DNAH14: variants seen among roughly 807,000 people sequenced by gnomAD.
DNAH14 encodes the protein dynein axonemal heavy chain 14, also known as axonemal beta dynein heavy chain 14.
DNAH14 carries 478 observed loss-of-function variants against 520.9 expected under a neutral mutation model. That is an observed-to-expected ratio of 0.92 (90% CI 0.85 to 0.99). The LOEUF (loss-of-function observed/expected upper bound fraction) is 0.99, where lower values mean the gene tolerates loss of function less well. Among genes scored for constraint, DNAH14 ranks in the 50% least tolerant of loss-of-function variants. The probability of loss-of-function intolerance (pLI) is 0.00; values close to 1 mark genes in which losing one functional copy is unlikely to be tolerated. For synonymous variants in DNAH14, 1,581 were observed against 1,757.2 expected (o/e 0.90, Z 2.51); for missense variants, 4,831 against 5,234.5 (o/e 0.92, Z 2.38).
chr1:225,374,574 T>C lies in DNAH14; in HGVS notation c.12319-114T>C. On this transcript the variant is annotated intron_variant, in intron 77 of 85. Coordinates refer to ENST00000682510, the MANE Select transcript of DNAH14 (RefSeq NM_001367479.1). ...CTGCACCTGGCCTATTTCTATATAT[T>C]TTTTAAAGAGAAAATATATGTAGCT... The C allele has an allele frequency of 4.8e-6, 5 of 1,038,036 alleles. No homozygotes were observed. The South Asian group carries it at 8.9e-5, about 19-fold the overall frequency. 64.3% of individuals were successfully genotyped at this position (1,038,036 alleles called of 1,614,324 possible). A position where few individuals can be genotyped will look rare whatever the true frequency, so the allele number is the denominator to read the frequency against.
At chr1:225,322,904 C>A in intron 62 of DNAH14, 81 bp downstream of exon 62, 5 of 1,318,940 alleles carry the variant, frequency 3.8e-6, no homozygotes, top group Non-Finnish European at 5.1e-6. Context: ...CTAAATTGTT[C>A]TATTCTTAGA....
Position 225,105,857 on chromosome 1 carries a change from CT to C in DNAH14, c.3867+4977del, listed in dbSNP as rs1275036585. Among the ~76,000 whole-genome samples, 16 of 152,064 alleles carry C rather than the reference CT, an allele frequency of 1.1e-4. No individual in the cohort carries two copies. The East Asian group carries it at 3.1e-3, about 29-fold the overall frequency. On this transcript the variant is annotated intron_variant, in intron 23 of 85. Coordinates refer to ENST00000682510, the MANE Select transcript of DNAH14 (RefSeq NM_001367479.1). ...CTTTATCCAATTTGCCAGTCTGTGT[CT>C]TTTAATTGGAGCATTTAGCCCATTT...
At chr1:225,186,791 C>T (rs965969932) in intron 37 of DNAH14, among the ~76,000 whole-genome samples, 45 of 151,874 alleles carry the variant, frequency 3.0e-4, no homozygotes, top group African/African-American at 1.0e-3. Context: ...TTACTGTATT[C>T]TGTATATATG....
In DNAH14 at chr1:225,381,434, T is replaced by C. The variant is rs1193995704; in HGVS notation, c.12932T>C (p.Ile4311Thr). The C allele has an allele frequency of 1.9e-6, 3 of 1,550,426 alleles. No homozygotes were observed. Among genetic ancestry groups the C allele is most frequent in the Non-Finnish European group, 2.6e-6 (3 of 1,146,820 alleles). Residue 4311 changes from isoleucine to threonine, a missense_variant, in exon 81 of 86, where the codon ATT becomes ACT. Physicochemically the swap from Ile to Thr is moderately conservative, Grantham distance 89 (BLOSUM62 -1). Coordinates refer to ENST00000682510, the MANE Select transcript of DNAH14 (RefSeq NM_001367479.1). ...TTGCTAACCTTTTTGAAGCAAGAAA[T>C]TAAACGATTTGATAAGTTATTATTT... ...CVLLTFLKQE[I>T]KRFDKLLFVI...
At chr1:224,992,586 A>G (rs1310386804) in intron 8 of DNAH14, among the ~76,000 whole-genome samples, 2 of 152,126 alleles carry the variant, frequency 1.3e-5, no homozygotes, top group African/African-American at 4.8e-5. Context: ...ACTTTACCAT[A>G]TTTGTTTATT....
chr1:225,340,346 C>T (rs2095153048), intron 68 of DNAH14, 111 bp from the exon 69 acceptor site: 1 of 1,172,324 alleles, frequency 8.5e-7, no homozygotes, highest in Admixed American at 2.9e-5. Context: ...CTGAAAAACA[C>T]TAAAAATCTT....
At chr1:225,152,595 C>T (rs1053728440) in intron 32 of DNAH14, 102 bp from the exon 33 acceptor site, 1 of 1,084,892 alleles carries the variant, frequency 9.2e-7, no homozygotes, top group African/African-American at 1.6e-5. Context: ...ATAAAGGTCA[C>T]ACAGAACACC....
chr1:225,270,215 C>T (rs1006069044), intron 49 of DNAH14, among the ~76,000 whole-genome samples: 14 of 150,908 alleles, frequency 9.3e-5, no homozygotes, highest in Admixed American at 4.0e-4. Flanking sequence ...AGCAAACTAT[C>T]GCAAGGACAG....
chr1:225,085,957 A>G (rs1020912677), intron 21 of DNAH14, among the ~76,000 whole-genome samples, 168 bp downstream of exon 21: 1 of 152,084 alleles, frequency 6.6e-6, no homozygotes, highest in Non-Finnish European at 1.5e-5. Context: ...AACTTTTTGT[A>G]GAAGCCTTAA....
Position 225,240,827 on chromosome 1 carries a change from GT to G in DNAH14, c.6748+7del. ...TTGGAAACAGTTCACAAGTAGGTAA[GT>G]TCTGTGGGAAAAATCATAACTATAC... On this transcript the variant is annotated splice_donor_region_variant and intron_variant, in intron 43 of 85. Transcript: ENST00000682510. The G allele has an allele frequency of 6.5e-7, 1 of 1,527,258 alleles. No individual in the cohort carries two copies. Among genetic ancestry groups the G allele is most frequent in the Non-Finnish European group, 8.9e-7 (1 of 1,127,692 alleles). 94.6% of individuals were successfully genotyped at this position (1,527,258 alleles called of 1,614,324 possible). A position where few individuals can be genotyped will look rare whatever the true frequency, so the allele number is the denominator to read the frequency against.
chr1:225,218,915 C>A (rs2089738540), intron 41 of DNAH14, among the ~76,000 whole-genome samples: 1 of 152,156 alleles, frequency 6.6e-6, no homozygotes, highest in African/African-American at 2.4e-5. Context: ...TGAAGTAATG[C>A]ACTCCTCAGC....
chr1:225,151,879 CCAGTGTGCTCTGTTTG>C, intron 31 of DNAH14, 110 bp from the exon 32 acceptor site: 1 of 833,490 alleles, frequency 1.2e-6, no homozygotes, highest in Non-Finnish European at 2.0e-6. Flanking sequence ...ATTGTTTTTT[CCAGTGTGCTCTGTTTG>C]CATTTAAATG....
At chr1:225,228,141 C>T (rs1361285313) in intron 41 of DNAH14, among the ~76,000 whole-genome samples, 1 of 152,180 alleles carries the variant, frequency 6.6e-6, no homozygotes, top group Admixed American at 6.5e-5. Context: ...CACTTATAGC[C>T]TTTAAAATCT....
chr1:225,328,347 A>G (rs1425871855), intron 64 of DNAH14, among the ~76,000 whole-genome samples: 2 of 152,206 alleles, frequency 1.3e-5, no homozygotes, highest in African/African-American at 4.8e-5. Context: ...GTAGGGAGAA[A>G]AAGACAAGCT....
At chr1:225,229,364 T>C (rs760234752) in intron 41 of DNAH14, among the ~76,000 whole-genome samples, 2 of 152,200 alleles carry the variant, frequency 1.3e-5, no homozygotes, top group Non-Finnish European at 2.9e-5. Flanking sequence ...GTGTGGTGAC[T>C]CCTCAAGGAT....
chr1:225,380,909 G>A (rs1345637639), intron 80 of DNAH14, among the ~76,000 whole-genome samples: 1 of 152,190 alleles, frequency 6.6e-6, no homozygotes, highest in Non-Finnish European at 1.5e-5. Context: ...TCATTGTTGA[G>A]TCTCAATCAA....
rs1317741250 is a variant in DNAH14 at position 225,333,375 on chromosome 1, G to C, written c.9949G>C (p.Val3317Leu). 1 of 1,551,642 alleles carries C rather than the reference G, an allele frequency of 6.4e-7. No homozygotes were observed. Among genetic ancestry groups the C allele is most frequent in the Non-Finnish European group, 8.7e-7 (1 of 1,146,934 alleles). The change falls in exon 66 of 86, where the codon GTC becomes CTC. Residue 3317 changes from valine (V) to leucine (L), a missense_variant. Val to Leu is a conservative substitution (Grantham distance 32, BLOSUM62 1). Transcript: ENST00000682510. ...CATACTTCTTTCAGCAGCGTGCATT[G>C]TCTACAGTGGAATTTTAACACCAGA... ...GDILLSAACI[V>L]YSGILTPEFR...
intron 52 of DNAH14, among the ~76,000 whole-genome samples, chr1:225,273,688 C>T (rs190541931): frequency 1.6e-4 from 25 of 152,284 alleles, no homozygotes; most frequent in African/African-American, 5.8e-4. Flanking sequence ...ACAGAACTGT[C>T]CACTGTCTTG....
At chr1:225,154,711 T>C (rs1436850125) in intron 34 of DNAH14, among the ~76,000 whole-genome samples, 1 of 152,096 alleles carries the variant, frequency 6.6e-6, no homozygotes, top group Non-Finnish European at 1.5e-5. Flanking sequence ...TAAAATAATT[T>C]AAATGTAAAA....
Sources: allele counts gnomAD v4.1 joint callset (sites outside exome capture counted in the v4.1 genomes callset), GRCh38; gene constraint gnomAD v4.1.1; transcripts MANE v1.5; gene names NCBI Gene and HGNC (gene_info 2026-07-23, HGNC 2026-07-21).